Variants in PLEKHG5 observed in about 807,000 individuals in gnomAD.
PLEKHG5 encodes pleckstrin homology and RhoGEF domain containing G5.
In PLEKHG5, 52 loss-of-function variants were observed where a neutral mutation model predicts 103.8. That is an observed-to-expected ratio of 0.50 (90% CI 0.40 to 0.63). The LOEUF is 0.63. Ranked by LOEUF, PLEKHG5 falls within the 30% of genes least tolerant of loss-of-function variation. PLEKHG5 has a pLI of 0.00. For missense variants in PLEKHG5, 1,205 were observed against 1,347.6 expected (o/e 0.89, Z 1.66); for synonymous variants, 592 against 575.5 (o/e 1.03, Z -0.41).
chr1:6,485,259 G>A, intron 1 of PLEKHG5: 2 of 1,114,258 alleles, frequency 1.8e-6, no homozygotes, highest in Non-Finnish European at 1.2e-6. Flanking sequence ...TCCCGCACAG[G>A]ACTGGGCGGC....
At position 6,474,065 on chromosome 1, in the gene PLEKHG5, G is replaced by T. The variant is rs1644682529; in HGVS notation, c.539C>A (p.Pro180His). 1 of 1,612,206 alleles carries T rather than the reference G, an allele frequency of 6.2e-7. No individual in the cohort carries two copies. Among genetic ancestry groups the T allele is most frequent in the Non-Finnish European group, 8.5e-7 (1 of 1,179,506 alleles). The change falls in exon 7 of 21, where the codon CCC (proline) becomes CAC (histidine). Residue 180 changes from proline to histidine, a missense_variant. Physicochemically the swap from Pro to His is moderately conservative, Grantham distance 77. Coordinates refer to ENST00000377728, the MANE Select transcript of PLEKHG5 (RefSeq NM_020631.6). Reference sequence around the variant, plus strand: ...CTGGGCGTCCACACGCTCCAGGGCGGGGGGCCCGGTCCCAGCTGGCCGCAG... The same window carrying T: ...CTGGGCGTCCACACGCTCCAGGGCGTGGGGCCCGGTCCCAGCTGGCCGCAG... Reference protein sequence around the residue: ...PILRPAGTGPPALERVDAQSR... With the variant: ...PILRPAGTGPHALERVDAQSR...
chr1:6,474,438 G>T lies in PLEKHG5; in HGVS notation c.439+13C>A. The T allele has an allele frequency of 6.2e-7, 1 of 1,613,640 alleles. No individual in the cohort carries two copies. The highest frequency in any genetic ancestry group is 8.5e-7 in the Non-Finnish European group (1 of 1,179,942). ...AGTCCCAGCGGCCCCATTTGGCCCA[G>T]GCTGCTTCTCACCTTTGACACGAAG... On this transcript the variant is annotated intron_variant, in intron 6 of 20. Coordinates refer to ENST00000377728, the MANE Select transcript of PLEKHG5 (RefSeq NM_020631.6).
Position 6,467,882 on chromosome 1 carries a change from A to G in PLEKHG5, c.2954T>C (p.Leu985Pro). ...GGTCCTGATTCGGTAGAGCTGGGCC[A>G]GGGTCAGCTTCCTGTGCTGGGCAGA... ...GVSAQHRKLT[L>P]AQLYRIRTTL... is the part of the protein sequence containing the mutation. The change falls in exon 20 of 21, where the codon CTG becomes CCG. Residue 985 changes from leucine to proline, a missense_variant. Leu to Pro is a moderately conservative substitution (Grantham distance 98). Coordinates refer to ENST00000377728, the MANE Select transcript of PLEKHG5 (RefSeq NM_020631.6). 1 of 1,611,874 alleles carries G rather than the reference A, an allele frequency of 6.2e-7. No homozygotes were observed. The highest frequency in any genetic ancestry group is 8.5e-7 in the Non-Finnish European group (1 of 1,179,254).
intron 20 of PLEKHG5, 45 bp from the exon 21 acceptor site, chr1:6,467,617 T>C: frequency 1.9e-6 from 3 of 1,605,340 alleles, no homozygotes; most frequent in South Asian, 2.2e-5. Flanking sequence ...GCTGACGCCA[T>C]TCAGAGTGGC....
chr1:6,513,448 G>A (rs1638530568), intron 1 of PLEKHG5, among the ~76,000 whole-genome samples: 2 of 152,254 alleles, frequency 1.3e-5, no homozygotes, highest in African/African-American at 4.8e-5. Context: ...CTAAGACCCA[G>A]CAGCTGCCAC....
intron 1 of PLEKHG5, among the ~76,000 whole-genome samples, chr1:6,516,995 C>G (rs1441198583): frequency 6.6e-6 from 1 of 150,788 alleles, no homozygotes; most frequent in Non-Finnish European, 1.5e-5. Flanking sequence ...CACCTATAAT[C>G]TCAGCACTCT....
chr1:6,497,018 T>TC (rs955093166), upstream of PLEKHG5: 42 of 1,522,118 alleles, frequency 2.8e-5, no homozygotes, highest in Non-Finnish European at 3.2e-5. The surrounding 1 kb of genome is among the most constrained non-coding windows in gnomAD (Gnocchi z 6.1). Flanking sequence ...CGACCCCCGT[T>TC]CCCCAAGACT....
intron 1 of PLEKHG5, among the ~76,000 whole-genome samples, chr1:6,483,397 T>C (rs1303992191): frequency 1.3e-5 from 2 of 152,206 alleles, no homozygotes; most frequent in Non-Finnish European, 2.9e-5. Context: ...GTGATGGGAT[T>C]GATCCCTCAA....
upstream of PLEKHG5, chr1:6,496,717 C>T (rs970160832): frequency 1.7e-6 from 1 of 583,452 alleles, no homozygotes; most frequent in African/African-American, 2.0e-5. Context: ...TAAATGCCAA[C>T]TTATCTGCAC....
chr1:6,471,374 G>T, intron 12 of PLEKHG5, 114 bp downstream of exon 12: 1 of 1,259,550 alleles, frequency 7.9e-7, no homozygotes, highest in East Asian at 2.5e-5. Context: ...GTCAAGTGCG[G>T]TTACGGGCCT....
At chr1:6,506,132 G>T (rs1638310694) in intron 1 of PLEKHG5, 1 of 152,688 alleles carries the variant, frequency 6.5e-6, no homozygotes, top group South Asian at 2.1e-4. Flanking sequence ...GCTCGTAGGT[G>T]CCCCGCTTCC....
intron 10 of PLEKHG5, among the ~76,000 whole-genome samples, chr1:6,472,153 G>A (rs550657371): frequency 3.5e-4 from 54 of 152,266 alleles, no homozygotes; most frequent in Non-Finnish European, 6.3e-4. Context: ...CTCCCTCCAG[G>A]AAGCTCCAAG....
Position 6,477,672 on chromosome 1 carries a change from A to C in PLEKHG5, c.-87-14T>G, listed in dbSNP as rs997093309. Reference sequence around the variant, plus strand: ...GTGGTGACATACCTGGGGTGGGGACAGAAGCCTTCAGGAGGTCCACGAGAT... The same window carrying C: ...GTGGTGACATACCTGGGGTGGGGACCGAAGCCTTCAGGAGGTCCACGAGAT... On this transcript the variant is annotated splice_polypyrimidine_tract_variant and intron_variant, in intron 1 of 20. Transcript: ENST00000377728. 6.3e-7 allele frequency: 1 copy of C among 1,599,480 alleles called. No homozygotes were observed. Among genetic ancestry groups the C allele is most frequent in the Non-Finnish European group, 8.5e-7 (1 of 1,179,614 alleles).
rs147386989 is a variant in PLEKHG5, at chr1:6,468,562, G to C, written c.2274C>G (p.Thr758=). ...CAGGCTCTACCACAACCATGGCCAG[G>C]GTCTCCGTGGAGCCATCTGAGGCAC... is the stretch of plus-strand genomic sequence containing the variant. ...QHCASDGSTE[T]LAMVVVEPGD... Residue 758 remains threonine (T), a synonymous_variant, in exon 20 of 21, where the codon ACC becomes ACG. Transcript: ENST00000377728. 51 of 1,612,874 alleles carry C rather than the reference G, an allele frequency of 3.2e-5. No homozygotes were observed. Among genetic ancestry groups the C allele is most frequent in the Non-Finnish European group, 3.8e-5 (45 of 1,179,990 alleles).
At position 6,469,656 on chromosome 1, in the gene PLEKHG5, G is replaced by A. The variant is rs1191800865; in HGVS notation, c.1821C>T (p.Leu607=). The A allele has an allele frequency of 6.2e-7, 1 of 1,613,470 alleles. No individual in the cohort carries two copies. The highest frequency in any genetic ancestry group is 8.5e-7 in the Non-Finnish European group (1 of 1,179,990). ...KDSKMDVYCF[L]FTDLLLVTKA... The stretch of plus-strand genomic sequence containing the variant: ...TGGTCACCAACAGCAGATCCGTGAA[G>A]AGGAAGCAGTACACATCCATCTGCA... Residue 607 remains leucine, a synonymous_variant, in exon 17 of 21, where the codon CTC becomes CTT. Coordinates refer to ENST00000377728, the MANE Select transcript of PLEKHG5 (RefSeq NM_020631.6).
chr1:6,513,180 GGCCCA>G (rs1391818069), intron 1 of PLEKHG5, among the ~76,000 whole-genome samples: 1 of 152,244 alleles, frequency 6.6e-6, no homozygotes, highest in Non-Finnish European at 1.5e-5. Context: ...GCAGGGCCCA[GGCCCA>G]GCCTGGCCCA....
upstream of PLEKHG5, chr1:6,491,686 C>T: frequency 1.0e-6 from 1 of 985,676 alleles, no homozygotes; most frequent in Non-Finnish European, 1.2e-6. The surrounding 1 kb of genome is among the most constrained non-coding windows in gnomAD (Gnocchi z 4.1). Flanking sequence ...CCTTTCCTCT[C>T]CCTGGTCTTC....
At chr1:6,497,380 C>A, upstream of PLEKHG5, 1 of 1,090,324 alleles carries the variant, frequency 9.2e-7, no homozygotes, top group South Asian at 4.5e-5. This position sits in a 1 kb window ranked among gnomAD's most constrained non-coding sequence, Gnocchi z 6.1. Flanking sequence ...CCGGGGACGC[C>A]GGGGACTGGG....
chr1:6,477,881 T>A (rs763135860), intron 1 of PLEKHG5, among the ~76,000 whole-genome samples: 6 of 151,936 alleles, frequency 3.9e-5, no homozygotes, highest in Admixed American at 1.3e-4. Context: ...TCCATCTTTT[T>A]CTTTTTTTTC....
Sources: allele counts gnomAD v4.1 joint callset (sites outside exome capture counted in the v4.1 genomes callset), GRCh38; gene constraint gnomAD v4.1.1; non-coding constraint Gnocchi (gnomAD v3.1); transcripts MANE v1.5; gene names NCBI Gene and HGNC (gene_info 2026-07-23, HGNC 2026-07-21).